ATF2: variants seen among roughly 807,000 people sequenced by gnomAD.
ATF2 encodes the protein cyclic AMP-dependent transcription factor ATF-2.
A neutral mutation model predicts 60.6 loss-of-function variants in ATF2; 24 were observed. The ratio of observed to expected loss-of-function variants is 0.40; its 90% confidence interval spans 0.29 to 0.56. The LOEUF is 0.56. Ranked by LOEUF, ATF2 falls within the 20% of genes least tolerant of loss-of-function variation. ATF2 has a pLI of 0.54. For synonymous variants in ATF2, 206 were observed against 215.4 expected (o/e 0.96, Z 0.38); for missense variants, 433 against 607.7 (o/e 0.71, Z 3.02).
intron 4 of ATF2, among the ~76,000 whole-genome samples, chr2:175,123,307 G>A (rs1010045398): frequency 2.0e-5 from 3 of 151,934 alleles, no homozygotes; most frequent in African/African-American, 7.2e-5. Flanking sequence ...TTAAATATAT[G>A]TGTCTTACAT....
At chr2:175,122,670 T>C (rs375910687) in intron 4 of ATF2, among the ~76,000 whole-genome samples, 5 of 152,154 alleles carry the variant, frequency 3.3e-5, no homozygotes, top group Admixed American at 6.6e-5. Context: ...AATCATCTCA[T>C]GTGTGCGGCA....
rs1226439002 is a variant in ATF2 at position 175,072,714 on chromosome 2, GAAT to G, written c.*1892_*1894del. ...TTTGTGCCTTTGAGATAACTCCTTA[GAAT>G]AATGATATCAAAATCATGATTTGAA... On this transcript the variant is annotated 3_prime_UTR_variant, in exon 14 of 14. Transcript: ENST00000264110. The G allele has an allele frequency of 6.6e-6, 1 of 151,790 alleles. No individual in the cohort carries two copies. Among genetic ancestry groups the G allele is most frequent in the African/African-American group, 2.4e-5 (1 of 41,318 alleles). 9.4% of individuals were successfully genotyped at this position (151,790 alleles called of 1,614,324 possible).
At chr2:175,115,149 T>C (rs576924240) in intron 7 of ATF2, among the ~76,000 whole-genome samples, 1 of 151,994 alleles carries the variant, frequency 6.6e-6, no homozygotes, top group East Asian at 1.9e-4. Flanking sequence ...AACTTGGCTA[T>C]GATACCAAGA....
chr2:175,152,204 A>G (rs141028991), intron 1 of ATF2, among the ~76,000 whole-genome samples: 1 of 152,316 alleles, frequency 6.6e-6, no homozygotes, highest in African/African-American at 2.4e-5. Flanking sequence ...GCAAACTACT[A>G]AAGAGAGTTT....
intron 7 of ATF2, among the ~76,000 whole-genome samples, chr2:175,117,142 T>C (rs528973376): frequency 6.6e-6 from 1 of 152,084 alleles, no homozygotes; most frequent in South Asian, 2.1e-4. Context: ...AATTATGTGC[T>C]AATAGGTGAT....
At chr2:175,093,303 T>C (rs1694683936) in intron 11 of ATF2, 36 bp from the exon 12 acceptor site, 7 of 1,592,780 alleles carry the variant, frequency 4.4e-6, no homozygotes, top group East Asian at 4.5e-5. Flanking sequence ...GTTATATTTG[T>C]ATCTAGTGAG....
intron 4 of ATF2, 39 bp from the exon 5 acceptor site, chr2:175,121,579 A>T (rs1212245339): frequency 7.0e-7 from 1 of 1,435,114 alleles, no homozygotes; most frequent in Non-Finnish European, 9.7e-7. Flanking sequence ...AAGATTTTCA[A>T]TTTGATCAAA....
chr2:175,167,109 GTTTTAAGA>G (rs996478976), intron 1 of ATF2, among the ~76,000 whole-genome samples: 3 of 152,104 alleles, frequency 2.0e-5, no homozygotes, highest in Admixed American at 1.3e-4. Flanking sequence ...GGCCTCACCA[GTTTTAAGA>G]CTCTCCATTA....
At chr2:175,115,236 TC>T (rs1696471698) in intron 7 of ATF2, among the ~76,000 whole-genome samples, 1 of 151,942 alleles carries the variant, frequency 6.6e-6, no homozygotes, top group African/African-American at 2.4e-5. Flanking sequence ...GACTGTTTAG[TC>T]CCCCTCCCTC....
chr2:175,087,691 C>A (rs1694263542), intron 12 of ATF2, among the ~76,000 whole-genome samples: 1 of 152,120 alleles, frequency 6.6e-6, no homozygotes, highest in African/African-American at 2.4e-5. Flanking sequence ...AATGTTTAAG[C>A]CTCACAAAAG....
At chr2:175,142,440 T>C (rs1698610755) in intron 2 of ATF2, among the ~76,000 whole-genome samples, 1 of 152,172 alleles carries the variant, frequency 6.6e-6, no homozygotes, top group Admixed American at 6.5e-5. Context: ...GTGCTGGGAT[T>C]ACAGGCCTGA....
intron 10 of ATF2, among the ~76,000 whole-genome samples, chr2:175,104,847 C>A (rs192492273): frequency 1.3e-5 from 2 of 152,052 alleles, no homozygotes; most frequent in African/African-American, 2.4e-5. Flanking sequence ...ACTTGCCAAG[C>A]GGAATAACAC....
chr2:175,144,323 T>G (rs1390207870), intron 2 of ATF2, among the ~76,000 whole-genome samples: 1 of 152,198 alleles, frequency 6.6e-6, no homozygotes, highest in Non-Finnish European at 1.5e-5. Flanking sequence ...ATTTTACGAC[T>G]AACAACTATA....
Position 175,146,285 on chromosome 2 carries a change from C to A in ATF2, c.-44+4775G>T, listed in dbSNP as rs377547008. 1.1e-3 allele frequency among the ~76,000 whole-genome samples: 175 copies of A among 152,204 alleles called. 4 individuals are homozygous for A. The South Asian group carries it at 0.035, about 30-fold the overall frequency. On this transcript the variant is annotated intron_variant, in intron 2 of 13. Coordinates refer to ENST00000264110, the MANE Select transcript of ATF2 (RefSeq NM_001880.4). Reference sequence around the variant, plus strand: ...TGTTTCCGATTTTAAAAGACCAATGCGACATAACAAATAATTGCAACCTGA... The same window carrying A: ...TGTTTCCGATTTTAAAAGACCAATGAGACATAACAAATAATTGCAACCTGA...
At chr2:175,121,617 C>T in intron 4 of ATF2, 77 bp from the exon 5 acceptor site, 1 of 1,135,132 alleles carries the variant, frequency 8.8e-7, no homozygotes, top group South Asian at 1.5e-5. Flanking sequence ...AAATTAATTT[C>T]CACAACATGT....
chr2:175,108,046 A>G (rs915459222), intron 10 of ATF2, among the ~76,000 whole-genome samples: 1 of 150,598 alleles, frequency 6.6e-6, no homozygotes, highest in Non-Finnish European at 1.5e-5. Context: ...GGATGTGAGG[A>G]GCCCCTCTGC....
chr2:175,136,084 G>A (rs111802311), intron 3 of ATF2, among the ~76,000 whole-genome samples: 190 of 150,204 alleles, frequency 1.3e-3, no homozygotes, highest in Middle Eastern at 0.011. Flanking sequence ...GACTAGGGGA[G>A]CACCCAGAGT....
At chr2:175,102,640 A>T (rs1695385204) in intron 10 of ATF2, among the ~76,000 whole-genome samples, 1 of 151,982 alleles carries the variant, frequency 6.6e-6, no homozygotes, top group African/African-American at 2.4e-5. Flanking sequence ...GTGGTGGTGC[A>T]TGCCTGTAGT....
At chr2:175,164,441 G>A (rs1700221698) in intron 1 of ATF2, among the ~76,000 whole-genome samples, 1 of 152,110 alleles carries the variant, frequency 6.6e-6, no homozygotes, top group Non-Finnish European at 1.5e-5. Context: ...GGCTCAGACA[G>A]GAGAACCGCT....
Sources: gnomAD v4.1 joint callset for allele counts (sites outside exome capture counted in the v4.1 genomes callset) on GRCh38, gnomAD v4.1.1 for gene constraint, MANE v1.5 for transcripts, NCBI Gene and HGNC (gene_info 2026-07-23, HGNC 2026-07-21) for gene names.